Variants in COL8A1 observed in about 807,000 individuals in gnomAD.
COL8A1 encodes collagen type VIII alpha 1 chain, also known as collagen alpha-1(VIII) chain.
In COL8A1, 21 loss-of-function variants were observed where a neutral mutation model predicts 42.7. The observed-to-expected ratio is 0.49, with a 90% CI of 0.35 to 0.71. The LOEUF is 0.71. Among genes scored for constraint, COL8A1 ranks in the 30% least tolerant of loss-of-function variants. The probability of loss-of-function intolerance (pLI) is 0.01; values close to 1 mark genes in which losing one functional copy is unlikely to be tolerated. For synonymous variants in COL8A1, 367 were observed against 369.1 expected (o/e 0.99, Z 0.06); for missense variants, 788 against 962.4 (o/e 0.82, Z 2.40).
chr3:99,715,339 A>C (rs1939966265), intron 1 of COL8A1, among the ~76,000 whole-genome samples: 1 of 152,026 alleles, frequency 6.6e-6, no homozygotes, highest in Admixed American at 6.6e-5. Context: ...TAAGAGGTGA[A>C]TATATTAGGG....
rs957545881 is a variant in COL8A1, at chr3:99,794,151, T to C, written c.329-79T>C. The stretch of plus-strand genomic sequence containing the variant: ...GAACTAAATAATGGTTGTCAGTACT[T>C]CATTGATGTGAGAGACAATCTACTA... On this transcript the variant is annotated intron_variant, in intron 3 of 3. Coordinates refer to ENST00000652472, the MANE Select transcript of COL8A1 (RefSeq NM_020351.4). This position sits in a 1 kb window ranked among gnomAD's most constrained non-coding sequence, Gnocchi z 4.3. 12 of 879,528 alleles carry C rather than the reference T, an allele frequency of 1.4e-5. No homozygotes were observed. The South Asian group carries it at 1.7e-4, about 12-fold the overall frequency. The allele number at this position is 879,528 out of a possible 1,614,324, so 54.5% of individuals were successfully genotyped here.
intron 2 of COL8A1, among the ~76,000 whole-genome samples, chr3:99,762,645 TC>T (rs953881572): frequency 6.6e-6 from 1 of 152,154 alleles, no homozygotes; most frequent in African/African-American, 2.4e-5. Context: ...AAACAGCTGT[TC>T]CCTAGCCCCA....
At chr3:99,644,508 C>G (rs1026496336) in intron 1 of COL8A1, among the ~76,000 whole-genome samples, 1 of 152,222 alleles carries the variant, frequency 6.6e-6, no homozygotes, top group Non-Finnish European at 1.5e-5. Context: ...AATAAGCAGA[C>G]AGATGTTAGC....
In COL8A1 at chr3:99,794,846, T is replaced by C. The variant is rs529698209; in HGVS notation, c.945T>C (p.Ile315=). The change falls in exon 4 of 4, where the codon ATT becomes ATC. Residue 315 remains isoleucine, a synonymous_variant. Transcript: ENST00000652472. The surrounding 1 kb of genome is among the most constrained non-coding windows in gnomAD (Gnocchi z 4.3). ...AAGGACCTCCTGGGATACCCGGAAT[T>C]GGAAAGCCAGGCCAGGATGGGATCC... is the stretch of plus-strand genomic sequence containing the variant. ...GVQGPPGIPG[I]GKPGQDGIPG... The C allele has an allele frequency of 2.3e-5, 37 of 1,612,306 alleles. 1 individual carries two copies. The South Asian group carries it at 3.8e-4, about 17-fold the overall frequency.
At chr3:99,784,562 C>T (rs964719814) in intron 2 of COL8A1, among the ~76,000 whole-genome samples, 2 of 152,168 alleles carry the variant, frequency 1.3e-5, no homozygotes, top group African/African-American at 4.8e-5. Context: ...ACTTATACAG[C>T]ATGTTACTGT....
chr3:99,660,932 A>C (rs1252261036), intron 1 of COL8A1, among the ~76,000 whole-genome samples: 2 of 152,170 alleles, frequency 1.3e-5, no homozygotes, highest in Non-Finnish European at 2.9e-5. Flanking sequence ...TGTCTATGTC[A>C]ATTTTTAAAA....
chr3:99,697,187 C>T (rs1939403168), intron 1 of COL8A1, among the ~76,000 whole-genome samples: 1 of 151,454 alleles, frequency 6.6e-6, no homozygotes, highest in African/African-American at 2.4e-5. Flanking sequence ...GGGGTTTCAC[C>T]GTTTTAGCCG....
intron 1 of COL8A1, among the ~76,000 whole-genome samples, chr3:99,736,327 G>T (rs914992356): frequency 1.3e-5 from 2 of 151,974 alleles, no homozygotes; most frequent in Non-Finnish European, 2.9e-5. Context: ...CTTTGAATGC[G>T]TCCCAGAGAT....
intron 1 of COL8A1, among the ~76,000 whole-genome samples, chr3:99,725,136 T>G (rs1294103060): frequency 6.6e-6 from 1 of 152,002 alleles, no homozygotes; most frequent in Non-Finnish European, 1.5e-5. Context: ...GGGGGAGTGC[T>G]CTCTCTGGAA....
intron 2 of COL8A1, among the ~76,000 whole-genome samples, chr3:99,786,676 A>G (rs1292342379): frequency 6.6e-6 from 1 of 152,180 alleles, no homozygotes; most frequent in Non-Finnish European, 1.5e-5. Flanking sequence ...CTGTCTCTCC[A>G]CACTAGACTG....
intron 1 of COL8A1, among the ~76,000 whole-genome samples, chr3:99,698,828 G>A (rs1472256013): frequency 6.6e-6 from 1 of 152,190 alleles, no homozygotes; most frequent in Non-Finnish European, 1.5e-5. Context: ...CAGTGTTAAC[G>A]TTGAATAAAA....
chr3:99,674,012 A>T (rs562936044), intron 1 of COL8A1, among the ~76,000 whole-genome samples: 40 of 152,190 alleles, frequency 2.6e-4, no homozygotes, highest in African/African-American at 9.1e-4. Flanking sequence ...TTTTGCACAG[A>T]CATCTCCATA....
intron 1 of COL8A1, among the ~76,000 whole-genome samples, chr3:99,737,934 C>CT (rs1304169163): frequency 1.3e-5 from 2 of 151,160 alleles, no homozygotes; most frequent in Non-Finnish European, 3.0e-5. Context: ...TCTTTTTATT[C>CT]TTTTTTCTCT....
intron 1 of COL8A1, among the ~76,000 whole-genome samples, chr3:99,659,629 CA>C (rs912243671): frequency 2.6e-5 from 4 of 151,816 alleles, no homozygotes; most frequent in African/African-American, 9.7e-5. Context: ...AGTTCTATGG[CA>C]AAAAAAGAGG....
At chr3:99,686,877 T>A (rs939883590) in intron 1 of COL8A1, among the ~76,000 whole-genome samples, 1 of 152,128 alleles carries the variant, frequency 6.6e-6, no homozygotes, top group Non-Finnish European at 1.5e-5. Context: ...GGGTTCTGTT[T>A]GTTTGTTTTT....
chr3:99,717,972 GT>G (rs1172440463), intron 1 of COL8A1, among the ~76,000 whole-genome samples: 3 of 151,900 alleles, frequency 2.0e-5, no homozygotes, highest in Non-Finnish European at 4.4e-5. Context: ...ACAGACAAGG[GT>G]CTTTGCAATC....
intron 1 of COL8A1, among the ~76,000 whole-genome samples, chr3:99,640,999 G>A (rs550234057): frequency 6.6e-5 from 10 of 152,204 alleles, no homozygotes; most frequent in African/African-American, 2.4e-4. Context: ...ACACAAGAAG[G>A]GAGCTCTACT....
chr3:99,660,821 G>A lies in COL8A1; in HGVS notation c.-129+22157G>A, dbSNP rs145330418. 6.2e-3 allele frequency among the ~76,000 whole-genome samples: 939 copies of A among 152,176 alleles called. 5 individuals carry two copies. Among genetic ancestry groups the A allele is most frequent in the Middle Eastern group, 0.02 (6 of 294 alleles). On this transcript the variant is annotated intron_variant, in intron 1 of 3. Coordinates refer to ENST00000652472, the MANE Select transcript of COL8A1 (RefSeq NM_020351.4). ...ACTTTATGTACATGTTAAACTCCAG[G>A]GAACATGATCTGGCCCAAATTTGTT...
In COL8A1 at chr3:99,647,133, A is replaced by G. The variant is rs768152754; in HGVS notation, c.-129+8469A>G. On this transcript the variant is annotated intron_variant, in intron 1 of 3. Transcript: ENST00000652472. ...CTTCACAGAAATTTTTATATGCTAT[A>G]TATATTTTCATCCTTCAAAGATGTT... Among the ~76,000 whole-genome samples, 37 of 152,318 alleles carry G rather than the reference A, an allele frequency of 2.4e-4. 1 individual carries two copies. Among genetic ancestry groups the G allele is most frequent in the South Asian group, 4.1e-4 (2 of 4,826 alleles).
Sources: allele counts gnomAD v4.1 joint callset (sites outside exome capture counted in the v4.1 genomes callset), GRCh38; gene constraint gnomAD v4.1.1; non-coding constraint Gnocchi (gnomAD v3.1); transcripts MANE v1.5; gene names NCBI Gene and HGNC (gene_info 2026-07-23, HGNC 2026-07-21).